Variants in WLS observed in about 807,000 individuals in gnomAD.
The protein encoded by WLS is Wnt ligand secretion mediator, also known as protein wntless homolog.
In WLS, 23 loss-of-function variants were observed where a neutral mutation model predicts 62.8. The ratio of observed to expected loss-of-function variants is 0.37; its 90% confidence interval spans 0.26 to 0.52. WLS has a LOEUF of 0.52. Among genes scored for constraint, WLS ranks in the 20% least tolerant of loss-of-function variants. The pLI is 0.92. For synonymous variants in WLS, 246 were observed against 244.1 expected (o/e 1.01, Z -0.07); for missense variants, 615 against 697.3 (o/e 0.88, Z 1.33).
intron 2 of WLS, among the ~76,000 whole-genome samples, chr1:68,186,042 T>C (rs2100581694): frequency 6.6e-6 from 1 of 152,324 alleles, no homozygotes; most frequent in Non-Finnish European, 1.5e-5. Flanking sequence ...CTCATTAGCA[T>C]GCAAAGAGGC....
rs554949245 is a variant in WLS, at chr1:68,116,503, T to C, written c.1511-17750A>G. ...TGGCTGAGTTGAACCAGGCTGTTAC[T>C]TCCTAGCTGTGTGACCTTAGGGAAA... On this transcript the variant is annotated intron_variant, in intron 11 of 11. Coordinates refer to the WLS transcript ENST00000354777. 1.8e-4 allele frequency among the ~76,000 whole-genome samples: 28 copies of C among 152,350 alleles called. No homozygotes were observed. In the South Asian group the frequency reaches 5.4e-3, roughly 29 times the overall value.
At chr1:68,106,342 G>T (rs577226143) in intron 11 of WLS, among the ~76,000 whole-genome samples, 4 of 152,124 alleles carry the variant, frequency 2.6e-5, no homozygotes, top group Non-Finnish European at 5.9e-5. Context: ...TTCGAGGGGG[G>T]CCTAAGGGAG....
intron 1 of WLS, among the ~76,000 whole-genome samples, chr1:68,196,599 C>T (rs2820501): frequency 0.93 from 142,251 of 152,180 alleles, 66,555 homozygotes; most frequent in Admixed American, 0.96. Context: ...TTCTATTAAA[C>T]ATCTATTTTA....
At chr1:68,185,981 CT>C (rs1274560551) in intron 2 of WLS, among the ~76,000 whole-genome samples, 1 of 152,196 alleles carries the variant, frequency 6.6e-6, no homozygotes, top group East Asian at 1.9e-4. Flanking sequence ...ATGCCTTGGT[CT>C]TTCAGGTGAC....
At chr1:68,157,184 T>C (rs1404702554) in intron 3 of WLS, among the ~76,000 whole-genome samples, 1 of 152,208 alleles carries the variant, frequency 6.6e-6, no homozygotes, top group East Asian at 1.9e-4. Context: ...TGGGTCACCC[T>C]GCCTCATTTG....
intron 5 of WLS, among the ~76,000 whole-genome samples, chr1:68,151,101 A>G (rs1045537357): frequency 4.6e-5 from 7 of 152,230 alleles, no homozygotes; most frequent in African/African-American, 1.7e-4. Context: ...CAGGAACATC[A>G]TAGAGTTTTA....
chr1:68,154,515 C>A (rs1364094748), intron 4 of WLS, among the ~76,000 whole-genome samples: 2 of 152,102 alleles, frequency 1.3e-5, no homozygotes, highest in South Asian at 2.1e-4. Flanking sequence ...TCAATATGAT[C>A]CTACTTTTTG....
intron 10 of WLS, among the ~76,000 whole-genome samples, chr1:68,140,986 TC>T (rs1490511050): frequency 2.6e-5 from 1 of 37,884 alleles, no homozygotes; most frequent in African/African-American, 1.1e-4. Context: ...CGCCAAACCC[TC>T]CCCCCTCCTC....
At chr1:68,175,538 T>C (rs1647226245) in intron 2 of WLS, among the ~76,000 whole-genome samples, 2 of 152,232 alleles carry the variant, frequency 1.3e-5, no homozygotes, top group Non-Finnish European at 2.9e-5. Context: ...AGTTGGATCA[T>C]AGGCTTACTA....
At chr1:68,205,102 C>A (rs1018417684) in intron 1 of WLS, among the ~76,000 whole-genome samples, 2 of 152,090 alleles carry the variant, frequency 1.3e-5, no homozygotes, top group African/African-American at 4.8e-5. Flanking sequence ...GTGGATTAAT[C>A]CTTGTCCCGC....
At chr1:68,099,063 C>T (rs572671342) in intron 11 of WLS, among the ~76,000 whole-genome samples, 4 of 152,236 alleles carry the variant, frequency 2.6e-5, no homozygotes, top group South Asian at 4.2e-4. Flanking sequence ...GTATCTAGTT[C>T]ATCTTAAGAT....
intron 11 of WLS, among the ~76,000 whole-genome samples, chr1:68,136,407 C>A (rs1646610943): frequency 6.6e-6 from 1 of 152,206 alleles, no homozygotes; most frequent in Non-Finnish European, 1.5e-5. Context: ...GGAAAGTAGA[C>A]TCATGATCCC....
intron 2 of WLS, among the ~76,000 whole-genome samples, chr1:68,170,151 CTACTAT>C: frequency 8.6e-6 from 1 of 116,876 alleles, no homozygotes; most frequent in East Asian, 2.7e-4. Context: ...TCAATGCTGG[CTACTAT>C]TTCTTTTTTT....
At position 68,208,712 on chromosome 1, in the gene WLS, G is replaced by A. The variant is rs960025237; in HGVS notation, c.107-14485C>T. Reference sequence around the variant, plus strand: ...GACCAAAGAGGCTATGTCTTCCATAGAGGCAACATGAGAAAGTAAGAGAGG... The same window carrying A: ...GACCAAAGAGGCTATGTCTTCCATAAAGGCAACATGAGAAAGTAAGAGAGG... On this transcript the variant is annotated intron_variant, in intron 1 of 11. Transcript: ENST00000262348. 2.0e-5 allele frequency among the ~76,000 whole-genome samples: 3 copies of A among 152,152 alleles called. No individual in the cohort carries two copies. The South Asian group carries it at 6.2e-4, about 32-fold the overall frequency.
intron 2 of WLS, among the ~76,000 whole-genome samples, chr1:68,185,848 G>T (rs553182892): frequency 6.6e-6 from 1 of 152,300 alleles, no homozygotes; most frequent in African/African-American, 2.4e-5. Flanking sequence ...TTTTTATGGA[G>T]GCTTCATTAC....
At chr1:68,116,372 T>C (rs1356112407) in intron 11 of WLS, among the ~76,000 whole-genome samples, 1 of 152,176 alleles carries the variant, frequency 6.6e-6, no homozygotes, top group Admixed American at 6.5e-5. Context: ...AAGATCAGTG[T>C]TTTTGCTTTT....
chr1:68,133,051 GCAGCAACAGCA>G (rs1646552053), intron 11 of WLS, among the ~76,000 whole-genome samples: 1 of 151,954 alleles, frequency 6.6e-6, no homozygotes, highest in East Asian at 1.9e-4. Flanking sequence ...AAAGGCAGCA[GCAGCAACAGCA>G]ACAGCAGCAG....
intron 1 of WLS, among the ~76,000 whole-genome samples, chr1:68,211,974 T>TA (rs974118825): frequency 3.9e-5 from 6 of 152,238 alleles, no homozygotes; most frequent in Admixed American, 6.5e-5. Context: ...AGTGGTGGTT[T>TA]AAAAAAATAC....
chr1:68,105,456 A>G (rs1241123169), intron 11 of WLS, among the ~76,000 whole-genome samples: 4 of 107,764 alleles, frequency 3.7e-5, no homozygotes, highest in Non-Finnish European at 8.9e-5. Flanking sequence ...AGCCATAACC[A>G]AGGTGCCACC....
Sources: gnomAD v4.1 joint callset for allele counts (sites outside exome capture counted in the v4.1 genomes callset) on GRCh38, gnomAD v4.1.1 for gene constraint, MANE v1.5 for transcripts, NCBI Gene and HGNC (gene_info 2026-07-23, HGNC 2026-07-21) for gene names.